Variants in CCHCR1 observed in about 807,000 individuals in gnomAD.
CCHCR1 encodes coiled-coil alpha-helical rod protein 1.
CCHCR1 carries 91 observed loss-of-function variants against 114.6 expected under a neutral mutation model. The observed-to-expected ratio is 0.79, with a 90% CI of 0.67 to 0.94. The LOEUF is 0.94. CCHCR1 is among the 40% of genes least tolerant of loss of function. The probability of loss-of-function intolerance (pLI) is 0.00; values close to 1 mark genes in which losing one functional copy is unlikely to be tolerated. For synonymous variants in CCHCR1, 379 were observed against 428.5 expected, an observed-to-expected ratio of 0.88 and a Z score of 1.43; for missense variants, 899 against 1,079.9, an observed-to-expected ratio of 0.83 and a Z score of 2.35.
chr6:31,145,585 G>A, intron 11 of CCHCR1, 92 bp from the exon 12 acceptor site: 1 of 1,454,610 alleles, frequency 6.9e-7, no homozygotes, highest in Non-Finnish European at 9.7e-7. Flanking sequence ...GCAAGGACTG[G>A]TGAAAGGAGG....
At position 31,157,083 on chromosome 6, in the gene CCHCR1, T is replaced by C. The variant is rs1776133077; in HGVS notation, c.223A>G (p.Ile75Val). 4 of 1,610,570 alleles carry C rather than the reference T, an allele frequency of 2.5e-6. No homozygotes were observed. In the South Asian group the frequency reaches 4.4e-5, roughly 18 times the overall value. ...DHRNLRRRGNIDGWRQNLEPS... is the reference protein window; with the variant it reads ...DHRNLRRRGNVDGWRQNLEPS... The stretch of plus-strand genomic sequence containing the variant: ...TCTAGATTCTGTCTCCAGCCATCTA[T>C]GTTCCCCTGGACAAGAGGAGAAACA... The change falls in exon 2 of 18, where the codon ATA becomes GTA. Residue 75 changes from isoleucine to valine, a missense_variant. Ile to Val is a conservative substitution (Grantham distance 29). Coordinates refer to ENST00000396268, the MANE Select transcript of CCHCR1 (RefSeq NM_001105564.2).
At chr6:31,152,062 C>T (rs1480756879) in intron 4 of CCHCR1, among the ~76,000 whole-genome samples, 9 of 152,050 alleles carry the variant, frequency 5.9e-5, no homozygotes, top group African/African-American at 1.7e-4. Flanking sequence ...TTTGGGAGGC[C>T]GAGGTGGGTG....
In CCHCR1 at chr6:31,145,496, GGA is replaced by G; in HGVS notation, c.1694-5_1694-4del. The G allele has an allele frequency of 6.2e-7, 1 of 1,611,908 alleles. No homozygotes were observed. Among genetic ancestry groups the G allele is most frequent in the Non-Finnish European group, 8.5e-7 (1 of 1,179,360 alleles). ...GGCAAGCTTTCGAGCAATCAGGCCTGGAGGGGAAAAAGCAGGGAGAAAAAGAG... is the reference window on the plus strand; with the variant it reads ...GGCAAGCTTTCGAGCAATCAGGCCTGGGGGAAAAAGCAGGGAGAAAAAGAG... On this transcript the variant is annotated splice_polypyrimidine_tract_variant and splice_region_variant and intron_variant, in intron 11 of 17. Coordinates refer to ENST00000396268, the MANE Select transcript of CCHCR1 (RefSeq NM_001105564.2).
At position 31,144,587 on chromosome 6, in the gene CCHCR1, T is replaced by G. The variant is rs1299081299; in HGVS notation, c.2167+100A>C. ...ACTCCTGGATACCTTCATTACTTCC[T>G]GTAATGAAGCTTTGAACACACTTTG... On this transcript the variant is annotated intron_variant, in intron 15 of 17. Transcript: ENST00000396268. The surrounding 1 kb of genome is among the most constrained non-coding windows in gnomAD (Gnocchi z 4.6). 2 of 748,156 alleles carry G rather than the reference T, an allele frequency of 2.7e-6. No individual in the cohort carries two copies. The highest frequency in any genetic ancestry group is 3.5e-5 in the African/African-American group (2 of 57,402). 46.3% of individuals were successfully genotyped at this position (748,156 alleles called of 1,614,324 possible).
At chr6:31,153,346 T>C (rs1561819541) in intron 4 of CCHCR1, among the ~76,000 whole-genome samples, 1 of 152,178 alleles carries the variant, frequency 6.6e-6, no homozygotes, top group Non-Finnish European at 1.5e-5. Context: ...GGTCTTTCCC[T>C]TACCAATTTC....
chr6:31,145,784 G>T lies in CCHCR1; in HGVS notation c.1605C>A (p.Thr535=), dbSNP rs772325343. ...VSSSQIWLET[T]MAKVEGAAAQ... ...CGGCAGCCCCTTCCACCTTAGCCAT[G>T]GTGGTCTCGAGCCAGATCTGAGAGC... The change falls in exon 11 of 18, where the codon ACC becomes ACA. Residue 535 remains threonine, a synonymous_variant. Transcript: ENST00000396268. The T allele has an allele frequency of 1.9e-6, 3 of 1,612,680 alleles. No homozygotes were observed. The highest frequency in any genetic ancestry group is 1.7e-6 in the Non-Finnish European group (2 of 1,179,776).
At chr6:31,157,114 A>T (rs1776139390) in intron 1 of CCHCR1, 25 bp from the exon 2 acceptor site, 1 of 1,580,798 alleles carries the variant, frequency 6.3e-7, no homozygotes. Context: ...AAACAAAGAC[A>T]CTCCAATTCA....
rs1163066426 is a variant in CCHCR1 at position 31,151,602 on chromosome 6, C to T, written c.802-480G>A. Among the ~76,000 whole-genome samples the T allele has an allele frequency of 1.3e-5, 2 of 152,208 alleles. No homozygotes were observed. The highest frequency in any genetic ancestry group is 1.5e-5 in the Non-Finnish European group (1 of 68,036). ...CCCTCCTTGCTCCACAGACCCCAGG[C>T]GATAGCCCCTCCTCAGGGTGGCTTC... On this transcript the variant is annotated intron_variant, in intron 4 of 17. Coordinates refer to ENST00000396268, the MANE Select transcript of CCHCR1 (RefSeq NM_001105564.2). The surrounding 1 kb of genome is among the most constrained non-coding windows in gnomAD (Gnocchi z 4.1).
Position 31,142,489 on chromosome 6 carries a change from C to G in CCHCR1, c.*103G>C. On this transcript the variant is annotated 3_prime_UTR_variant, in exon 18 of 18. Transcript: ENST00000396268. ...AGCAGAATTCAGACTCAGCTGGTAT[C>G]CCCCAGGGCAACCCCAGGATGGGGA... The G allele has an allele frequency of 9.5e-7, 1 of 1,053,630 alleles. No homozygotes were observed. The highest frequency in any genetic ancestry group is 1.5e-5 in the South Asian group (1 of 66,756). 65.3% of individuals were successfully genotyped at this position (1,053,630 alleles called of 1,614,324 possible). A position where few individuals can be genotyped will look rare whatever the true frequency, so the allele number is the denominator to read the frequency against.
At position 31,150,622 on chromosome 6, in the gene CCHCR1, C is replaced by T; in HGVS notation, c.1102-57G>A. The T allele has an allele frequency of 6.3e-7, 1 of 1,590,490 alleles. No individual in the cohort carries two copies. On this transcript the variant is annotated intron_variant, in intron 6 of 17. Transcript: ENST00000396268. This position sits in a 1 kb window ranked among gnomAD's most constrained non-coding sequence, Gnocchi z 5.3. ...GGCCTCCATGCCGCCTTAGGTACCA[C>T]CTTCTCTCCCGGAGGCTGTGCTCTA...
rs1170165204 is a variant in CCHCR1 at position 31,150,513 on chromosome 6, AC to A, written c.1153del (p.Val385CysfsTer17). ...GATGTGTGTGAGGCTCTGCACCCGC[AC>A]CTGCAGCAGCTCCGCGGTGGCATGC... is the stretch of plus-strand genomic sequence containing the variant. ...SLHATAELLQVRVQSLTHILA... is the reference protein window; with the variant it reads ...SLHATAELLQXRVQSLTHILA... On this transcript the variant is annotated frameshift_variant, in exon 7 of 18. Coordinates refer to ENST00000396268, the MANE Select transcript of CCHCR1 (RefSeq NM_001105564.2). LOFTEE classifies it high-confidence loss of function. This position sits in a 1 kb window ranked among gnomAD's most constrained non-coding sequence, Gnocchi z 5.3. The A allele has an allele frequency of 1.2e-6, 2 of 1,612,536 alleles. No individual in the cohort carries two copies. The highest frequency in any genetic ancestry group is 1.7e-6 in the Non-Finnish European group (2 of 1,179,910).
chr6:31,153,270 G>A (rs1198022377), intron 4 of CCHCR1, among the ~76,000 whole-genome samples: 1 of 152,004 alleles, frequency 6.6e-6, no homozygotes, highest in Non-Finnish European at 1.5e-5. Context: ...CACTGTGCCT[G>A]GCCTAGCTTC....
chr6:31,145,560 A>G lies in CCHCR1; in HGVS notation c.1694-67T>C, dbSNP rs535461811. 5 of 1,535,114 alleles carry G rather than the reference A, an allele frequency of 3.3e-6. No homozygotes were observed. The African/African-American group carries it at 5.5e-5, about 17-fold the overall frequency. ...ATGGGAGAAAGTGGGGACAGGGAGT[A>G]AGGGAAAAAGAGATGCAAGGACTGG... On this transcript the variant is annotated intron_variant, in intron 11 of 17. Transcript: ENST00000396268.
In CCHCR1 at chr6:31,144,775, C is replaced by T; in HGVS notation, c.2079G>A (p.Lys693=). 6.2e-7 allele frequency: 1 copy of T among 1,614,010 alleles called. No individual in the cohort carries two copies. Among genetic ancestry groups the T allele is most frequent in the Non-Finnish European group, 8.5e-7 (1 of 1,179,944 alleles). Residue 693 remains lysine (K), a synonymous_variant, in exon 15 of 18, where the codon AAG becomes AAA. Transcript: ENST00000396268. The surrounding 1 kb of genome is among the most constrained non-coding windows in gnomAD (Gnocchi z 4.6). ...GCAGCCGAGTTTCCACTTCAGCCAC[C>T]TTTTCTTGCAGGGCTGGGGTGAAAG... ...QELYGQALQE[K]VAEVETRLRE...
chr6:31,152,345 T>G (rs539148289), intron 4 of CCHCR1, among the ~76,000 whole-genome samples: 1 of 152,006 alleles, frequency 6.6e-6, no homozygotes, highest in African/African-American at 2.4e-5. Context: ...TTTTTTTTTG[T>G]TTGTTTTTTT....
chr6:31,144,736 T>C lies in CCHCR1; in HGVS notation c.2118A>G (p.Ser706=). 1 of 1,613,890 alleles carries C rather than the reference T, an allele frequency of 6.2e-7. No individual in the cohort carries two copies. Among genetic ancestry groups the C allele is most frequent in the Non-Finnish European group, 8.5e-7 (1 of 1,179,892 alleles). Residue 706 remains serine (S), a synonymous_variant, in exon 15 of 18, where the codon TCA becomes TCG. Coordinates refer to ENST00000396268, the MANE Select transcript of CCHCR1 (RefSeq NM_001105564.2). The surrounding 1 kb of genome is among the most constrained non-coding windows in gnomAD (Gnocchi z 4.6). ...CCTCGTTCAGCCTCCTCTCTGTGTCTGAGAGTTGCTCCCGCAGCCGAGTTT... is the reference window on the plus strand; with the variant it reads ...CCTCGTTCAGCCTCCTCTCTGTGTCCGAGAGTTGCTCCCGCAGCCGAGTTT... ...EVETRLREQL[S]DTERRLNEAR...
chr6:31,143,302 C>T lies in CCHCR1; in HGVS notation c.2279G>A (p.Arg760Gln), dbSNP rs570015408. The T allele has an allele frequency of 1.1e-5, 18 of 1,612,692 alleles. No individual in the cohort carries two copies. Among genetic ancestry groups the T allele is most frequent in the Admixed American group, 3.3e-5 (2 of 60,006 alleles). ...ARKEEGQRLA[R>Q]RLQELERDKN... Reference sequence around the variant, plus strand: ...ATCCCTCTCTAGCTCCTGCAAGCGCCGGGCCAGTCGCTGCCCCTCCTCCTT... The same window carrying T: ...ATCCCTCTCTAGCTCCTGCAAGCGCTGGGCCAGTCGCTGCCCCTCCTCCTT... The change falls in exon 16 of 18, where the codon CGG becomes CAG. Residue 760 changes from arginine (R) to glutamine (Q), a missense_variant. Arg to Gln is a conservative substitution (Grantham distance 43, BLOSUM62 1). Transcript: ENST00000396268. The surrounding 1 kb of genome is among the most constrained non-coding windows in gnomAD (Gnocchi z 5.3).
At position 31,144,785 on chromosome 6, in the gene CCHCR1, A is replaced by G. The variant is rs1315364977; in HGVS notation, c.2069T>C (p.Leu690Pro). The change falls in exon 15 of 18, where the codon CTG becomes CCG. Residue 690 changes from leucine to proline, a missense_variant. By Grantham distance (98) the Leu-to-Pro change is moderately conservative (BLOSUM62 -3). Transcript: ENST00000396268. This position sits in a 1 kb window ranked among gnomAD's most constrained non-coding sequence, Gnocchi z 4.6. ...TQQQELYGQA[L>P]QEKVAEVETR... Reference sequence around the variant, plus strand: ...TTCCACTTCAGCCACCTTTTCTTGCAGGGCTGGGGTGAAAGTGCAGACGGG... The same window carrying G: ...TTCCACTTCAGCCACCTTTTCTTGCGGGGCTGGGGTGAAAGTGCAGACGGG... 1.9e-6 allele frequency: 3 copies of G among 1,613,648 alleles called. No individual in the cohort carries two copies. In the African/African-American group the frequency reaches 4.0e-5, roughly 22 times the overall value.
intron 3 of CCHCR1, among the ~76,000 whole-genome samples, chr6:31,155,517 T>C (rs1775867219): frequency 7.0e-6 from 1 of 142,476 alleles, no homozygotes; most frequent in African/African-American, 2.6e-5. Context: ...GGCAGGAGAA[T>C]GGCGTCAACC....
Sources: gnomAD v4.1 joint callset for allele counts (sites outside exome capture counted in the v4.1 genomes callset) on GRCh38, gnomAD v4.1.1 for gene constraint, Gnocchi (gnomAD v3.1) non-coding constraint, MANE v1.5 for transcripts, NCBI Gene and HGNC (gene_info 2026-07-23, HGNC 2026-07-21) for gene names.